The following SGCD variants were observed in gnomAD, a reference collection of about 807,000 sequenced individuals.
The protein encoded by SGCD is sarcoglycan delta, also known as delta-sarcoglycan.
A neutral mutation model predicts 36.6 loss-of-function variants in SGCD; 18 were observed. The observed-to-expected ratio is 0.49, with a 90% CI of 0.34 to 0.73. SGCD has a LOEUF of 0.73. Among genes scored for constraint, SGCD ranks in the 30% least tolerant of loss-of-function variants. SGCD has a pLI of 0.01. For missense variants in SGCD, 387 were observed against 346.7 expected, an observed-to-expected ratio of 1.12 and a Z score of -0.92; for synonymous variants, 133 against 130.6, an observed-to-expected ratio of 1.02 and a Z score of -0.12.
chr5:156,537,459 C>CACA (rs1758163233), intron 4 of SGCD, among the ~76,000 whole-genome samples: 1 of 125,808 alleles, frequency 7.9e-6, no homozygotes, highest in Non-Finnish European at 1.7e-5. Context: ...AAGGTAGCAG[C>CACA]CACACACACA....
At chr5:155,930,056 G>A (rs1346228514) in intron 1 of SGCD, among the ~76,000 whole-genome samples, 1 of 152,108 alleles carries the variant, frequency 6.6e-6, no homozygotes, top group Non-Finnish European at 1.5e-5. Context: ...CACCAATGAG[G>A]TCTCACTTGT....
chr5:156,109,315 T>C (rs1761726021), intron 1 of SGCD, among the ~76,000 whole-genome samples: 1 of 152,166 alleles, frequency 6.6e-6, no homozygotes, highest in Non-Finnish European at 1.5e-5. Context: ...TCTATGCTAA[T>C]TTCAGTGACT....
intron 3 of SGCD, among the ~76,000 whole-genome samples, chr5:156,296,695 A>T (rs1176039814): frequency 6.6e-6 from 1 of 152,136 alleles, no homozygotes; most frequent in Non-Finnish European, 1.5e-5. Context: ...ATGAGTCTTA[A>T]TTTGTGGCAT....
At chr5:156,442,391 T>C (rs1753533865) in intron 3 of SGCD, among the ~76,000 whole-genome samples, 1 of 152,202 alleles carries the variant, frequency 6.6e-6, no homozygotes, top group African/African-American at 2.4e-5. Flanking sequence ...CTCTGGACCT[T>C]TTGTAAGTCC....
chr5:156,348,671 T>C (rs920775204), intron 3 of SGCD, among the ~76,000 whole-genome samples: 10 of 152,154 alleles, frequency 6.6e-5, no homozygotes, highest in African/African-American at 1.9e-4. Flanking sequence ...AAAATGACCA[T>C]AGTGCCCAAA....
rs181563622 is a variant in SGCD at position 155,907,767 on chromosome 5, C to T, written c.-282+37343C>T. Among the ~76,000 whole-genome samples the T allele has an allele frequency of 3.9e-4, 59 of 152,208 alleles. 1 individual carries two copies. The East Asian group carries it at 8.9e-3, about 23-fold the overall frequency. On this transcript the variant is annotated intron_variant, in intron 1 of 9. Transcript: ENST00000517913. ...CTACTCCTGGTGAGGATGCTATGAA[C>T]ATTTTTGAAATAACTAGAAAAGATT...
intron 1 of SGCD, among the ~76,000 whole-genome samples, chr5:155,925,509 C>T (rs926386180): frequency 2.0e-5 from 3 of 152,202 alleles, no homozygotes; most frequent in Non-Finnish European, 4.4e-5. Context: ...CTTGTGGTAG[C>T]GTCACTCCAA....
upstream of SGCD, among the ~76,000 whole-genome samples, chr5:156,321,904 C>T (rs564758296): frequency 2.0e-5 from 3 of 152,156 alleles, no homozygotes; most frequent in Non-Finnish European, 4.4e-5. Flanking sequence ...ATCTCTCCCC[C>T]CATCCTCTTT....
chr5:155,868,274 G>A (rs1028022917), upstream of SGCD, among the ~76,000 whole-genome samples: 16 of 151,306 alleles, frequency 1.1e-4, no homozygotes, highest in African/African-American at 3.9e-4. Flanking sequence ...TTGGTCTCAA[G>A]CTCCTGGCCT....
intron 3 of SGCD, among the ~76,000 whole-genome samples, chr5:156,237,562 T>C (rs569420026): frequency 1.3e-5 from 2 of 151,934 alleles, no homozygotes; most frequent in African/African-American, 4.8e-5. Context: ...AAGGCAGAGG[T>C]TGCAGTAAGC....
chr5:155,939,228 A>G (rs1743493013), intron 1 of SGCD, among the ~76,000 whole-genome samples: 1 of 152,234 alleles, frequency 6.6e-6, no homozygotes, highest in African/African-American at 2.4e-5. Context: ...CAAACAAATG[A>G]TAAGTATGTG....
At chr5:156,341,442 T>G (rs1161641864) in intron 2 of SGCD, among the ~76,000 whole-genome samples, 2 of 152,198 alleles carry the variant, frequency 1.3e-5, no homozygotes, top group Non-Finnish European at 2.9e-5. Context: ...TTGTCCCAAA[T>G]GCTTAGAATC....
intron 3 of SGCD, among the ~76,000 whole-genome samples, chr5:156,431,249 G>A (rs574754633): frequency 1.3e-5 from 2 of 152,292 alleles, no homozygotes; most frequent in Admixed American, 1.3e-4. Context: ...GTTCCAAGTA[G>A]GGAGGGGTTG....
chr5:156,592,999 A>G (rs1760784347), intron 5 of SGCD, among the ~76,000 whole-genome samples: 1 of 152,072 alleles, frequency 6.6e-6, no homozygotes, highest in Non-Finnish European at 1.5e-5. Context: ...GGTGATGTCC[A>G]CAGGAGTGGT....
At chr5:156,742,079 T>C (rs1756705753) in intron 7 of SGCD, among the ~76,000 whole-genome samples, 1 of 152,122 alleles carries the variant, frequency 6.6e-6, no homozygotes, top group South Asian at 2.1e-4. Flanking sequence ...GTTTCACCCA[T>C]GTTAGCCAAG....
intron 4 of SGCD, among the ~76,000 whole-genome samples, chr5:156,522,523 G>A (rs2113047258): frequency 6.6e-6 from 1 of 152,032 alleles, no homozygotes; most frequent in South Asian, 2.1e-4. Flanking sequence ...ACAAGTGGGA[G>A]CTGAACAATG....
the SGCD span, among the ~76,000 whole-genome samples, chr5:155,759,453 G>A: frequency 4.6e-5 from 7 of 152,158 alleles, no homozygotes; most frequent in East Asian, 1.2e-3. Context: ...TGCAGAGTAA[G>A]CATTTATATT....
chr5:156,374,128 G>C (rs1770532464), intron 3 of SGCD, among the ~76,000 whole-genome samples: 1 of 144,450 alleles, frequency 6.9e-6, no homozygotes, highest in South Asian at 2.5e-4. Context: ...AAACTTCAGA[G>C]CTAAGAAAAT....
chr5:155,998,698 A>G (rs1456232860), intron 1 of SGCD, among the ~76,000 whole-genome samples: 1 of 152,166 alleles, frequency 6.6e-6, no homozygotes, highest in Non-Finnish European at 1.5e-5. Context: ...TGATGTATAA[A>G]CCAGTGTATA....
Sources: allele counts gnomAD v4.1 joint callset (sites outside exome capture counted in the v4.1 genomes callset), GRCh38; gene constraint gnomAD v4.1.1; transcripts MANE v1.5; gene names NCBI Gene and HGNC (gene_info 2026-07-23, HGNC 2026-07-21).